COMMD1: variants seen among roughly 807,000 people sequenced by gnomAD.
The protein encoded by COMMD1 is copper metabolism domain containing 1.
In COMMD1, 10 loss-of-function variants were observed where a neutral mutation model predicts 17.2. The observed-to-expected ratio is 0.58, with a 90% CI of 0.36 to 0.99. The LOEUF is 0.99. Ranked by LOEUF, COMMD1 falls within the 50% of genes least tolerant of loss-of-function variation. The pLI is 0.01. For synonymous variants in COMMD1, 97 were observed against 91.6 expected (o/e 1.06, Z -0.34); for missense variants, 270 against 231.8 (o/e 1.17, Z -1.07).
intron 2 of COMMD1, among the ~76,000 whole-genome samples, chr2:62,027,648 T>A (rs1411639225): frequency 1.4e-5 from 2 of 147,020 alleles, no homozygotes; most frequent in Admixed American, 6.7e-5. Context: ...TATGTTATGT[T>A]ATGTTATGTT....
chr2:62,017,817 T>G lies in COMMD1; in HGVS notation c.462+16835T>G, dbSNP rs140228480. Reference sequence around the variant, plus strand: ...CTTTGGGAGGCCAAGGCAGAACGATTGTTTGAGTTGAGAACAGGAGGTCAA... The same window carrying G: ...CTTTGGGAGGCCAAGGCAGAACGATGGTTTGAGTTGAGAACAGGAGGTCAA... On this transcript the variant is annotated intron_variant, in intron 2 of 2. Coordinates refer to ENST00000311832, the MANE Select transcript of COMMD1 (RefSeq NM_152516.4). Among the ~76,000 whole-genome samples, 245 of 152,020 alleles carry G rather than the reference T, an allele frequency of 1.6e-3. 2 individuals are homozygous for G. In the East Asian group the frequency reaches 0.037, roughly 23 times the overall value.
chr2:62,058,235 G>C (rs904786501), intron 2 of COMMD1, among the ~76,000 whole-genome samples: 5 of 152,148 alleles, frequency 3.3e-5, no homozygotes, highest in Non-Finnish European at 7.3e-5. Flanking sequence ...GATTAAGTTG[G>C]TTAATAGTGC....
At chr2:62,105,022 G>A (rs1672290598) in intron 2 of COMMD1, among the ~76,000 whole-genome samples, 2 of 151,812 alleles carry the variant, frequency 1.3e-5, no homozygotes, top group African/African-American at 4.8e-5. Flanking sequence ...CTACTCGGGA[G>A]GTTGAGGCAG....
chr2:62,020,316 C>T (rs7571389), intron 2 of COMMD1, among the ~76,000 whole-genome samples: 24,572 of 152,106 alleles, frequency 0.16, 2,045 homozygotes, highest in East Asian at 0.21. Context: ...GTTGGTAATT[C>T]CTTGATTAAA....
chr2:61,905,140 A>G (rs189088458), upstream of COMMD1, among the ~76,000 whole-genome samples: 2 of 152,366 alleles, frequency 1.3e-5, no homozygotes, highest in African/African-American at 4.8e-5. Flanking sequence ...ATAAAAGAAC[A>G]TTGGATCAGA....
chr2:62,074,840 T>G, intron 2 of COMMD1, among the ~76,000 whole-genome samples: 1 of 151,984 alleles, frequency 6.6e-6, no homozygotes, highest in South Asian at 2.1e-4. Context: ...CTTACAAATT[T>G]AGGCTGACAG....
intron 1 of COMMD1, among the ~76,000 whole-genome samples, chr2:61,992,505 A>G (rs1188393284): frequency 6.6e-6 from 1 of 152,198 alleles, no homozygotes; most frequent in Admixed American, 6.5e-5. Context: ...AGGTGGTCAC[A>G]CTGCCTGTAT....
intron 1 of COMMD1, among the ~76,000 whole-genome samples, chr2:61,932,877 C>T (rs1033376403): frequency 6.6e-6 from 1 of 152,206 alleles, no homozygotes; most frequent in Non-Finnish European, 1.5e-5. Context: ...AACCAGTGCT[C>T]TTTCAGCTCT....
intron 1 of COMMD1, among the ~76,000 whole-genome samples, chr2:61,973,648 C>G (rs1376702061): frequency 1.3e-5 from 2 of 152,086 alleles, no homozygotes; most frequent in Non-Finnish European, 2.9e-5. Flanking sequence ...GTATGCTTTG[C>G]ATGTCAGTAG....
chr2:62,111,799 G>A (rs1672463049), intron 2 of COMMD1, among the ~76,000 whole-genome samples: 1 of 152,056 alleles, frequency 6.6e-6, no homozygotes, highest in Non-Finnish European at 1.5e-5. Flanking sequence ...CATGCTTTGG[G>A]ATATTGTTTT....
chr2:61,924,024 G>A (rs192771076), intron 1 of COMMD1, among the ~76,000 whole-genome samples: 1 of 152,234 alleles, frequency 6.6e-6, no homozygotes, highest in East Asian at 1.9e-4. Context: ...CCATCCACCC[G>A]CCATGGCCTT....
At chr2:62,117,510 G>T (rs1672639658) in intron 2 of COMMD1, among the ~76,000 whole-genome samples, 1 of 152,182 alleles carries the variant, frequency 6.6e-6, no homozygotes, top group African/African-American at 2.4e-5. Context: ...ATAGATCTGG[G>T]TTTAAAACCA....
chr2:62,107,894 T>C (rs775741322), intron 2 of COMMD1, among the ~76,000 whole-genome samples: 3 of 152,192 alleles, frequency 2.0e-5, no homozygotes, highest in Non-Finnish European at 2.9e-5. Flanking sequence ...ATCTACAGAC[T>C]TTTTCCTTTA....
At chr2:61,923,760 A>G (rs1670255454) in intron 1 of COMMD1, among the ~76,000 whole-genome samples, 1 of 152,028 alleles carries the variant, frequency 6.6e-6, no homozygotes. Context: ...TTATATTTAG[A>G]AAGAGTTTTT....
intron 2 of COMMD1, among the ~76,000 whole-genome samples, chr2:62,015,710 C>CT (rs1248109405): frequency 0.019 from 2,061 of 107,852 alleles, 24 homozygotes; most frequent in African/African-American, 0.038. Context: ...TTTTTTTTTT[C>CT]TTTTTTTTTT....
chr2:62,027,861 G>A (rs1391157000), intron 2 of COMMD1, among the ~76,000 whole-genome samples: 1 of 151,832 alleles, frequency 6.6e-6, no homozygotes, highest in African/African-American at 2.4e-5. Context: ...ACAATTTCTT[G>A]CTATGTTGCT....
Position 61,933,244 on chromosome 2 carries a change from C to T in COMMD1, c.180+27386C>T, listed in dbSNP as rs542545633. On this transcript the variant is annotated intron_variant, in intron 1 of 2. Transcript: ENST00000311832. ...GCTGCTTGTATCCACAATGCTCAGC[C>T]GCTTGTATCCACATTGCTCAGCTGC... Among the ~76,000 whole-genome samples the T allele has an allele frequency of 1.7e-3, 262 of 151,746 alleles. 1 individual carries two copies. The highest frequency in any genetic ancestry group is 5.9e-3 in the African/African-American group (244 of 41,356).
intron 1 of COMMD1, among the ~76,000 whole-genome samples, chr2:61,919,538 A>G (rs13405731): frequency 2.2e-4 from 31 of 137,832 alleles, no homozygotes; most frequent in African/African-American, 7.8e-4. Context: ...ATCAGGCTTC[A>G]TCGCGTTTTT....
chr2:62,086,580 G>A (rs1476481766), intron 2 of COMMD1, among the ~76,000 whole-genome samples: 1 of 151,830 alleles, frequency 6.6e-6, no homozygotes, highest in African/African-American at 2.4e-5. Context: ...ATTTCTGGTA[G>A]GTGCTTAATA....
Sources: gnomAD v4.1 joint callset for allele counts (sites outside exome capture counted in the v4.1 genomes callset) on GRCh38, gnomAD v4.1.1 for gene constraint, MANE v1.5 for transcripts, NCBI Gene and HGNC (gene_info 2026-07-23, HGNC 2026-07-21) for gene names.